MARK3: variants seen among roughly 807,000 people sequenced by gnomAD.
The protein encoded by MARK3 is microtubule affinity regulating kinase 3, also known as MAP/microtubule affinity-regulating kinase 3.
In MARK3, 46 loss-of-function variants were observed where a neutral mutation model predicts 90.1. The observed-to-expected ratio is 0.51, with a 90% CI of 0.40 to 0.65. MARK3 has a LOEUF of 0.65. Ranked by LOEUF, MARK3 falls within the 30% of genes least tolerant of loss-of-function variation. The pLI is 0.00. For synonymous variants in MARK3, 321 were observed against 332.6 expected (o/e 0.97, Z 0.38); for missense variants, 818 against 947.2 (o/e 0.86, Z 1.79).
chr14:103,404,989 TG>T, intron 1 of MARK3, 86 bp from the exon 2 acceptor site: 1 of 887,760 alleles, frequency 1.1e-6, no homozygotes, highest in South Asian at 1.8e-5. Context: ...AAAGTAGGAA[TG>T]TTTTTTCTTC....
At chr14:103,428,297 TG>T in intron 2 of MARK3, 89 bp from the exon 3 acceptor site, 1 of 639,588 alleles carries the variant, frequency 1.6e-6, no homozygotes, top group South Asian at 2.1e-5. Context: ...CTTGCTTGCT[TG>T]CTTGCTTCTT....
intron 12 of MARK3, among the ~76,000 whole-genome samples, chr14:103,473,840 C>T (rs887416197): frequency 1.3e-5 from 2 of 152,016 alleles, no homozygotes; most frequent in African/African-American, 4.8e-5. Context: ...GTTGGAATTA[C>T]AAGCATGAAC....
At chr14:103,440,777 ATT>A (rs1306460845) in intron 3 of MARK3, among the ~76,000 whole-genome samples, 5 of 143,906 alleles carry the variant, frequency 3.5e-5, no homozygotes, top group Non-Finnish European at 3.1e-5. Context: ...CTACAAAAAG[ATT>A]TTTTTTTTTT....
At chr14:103,457,328 T>G (rs893960568) in intron 6 of MARK3, 116 bp downstream of exon 6, 11 of 706,464 alleles carry the variant, frequency 1.6e-5, no homozygotes, top group Admixed American at 7.7e-5. Context: ...TGGCAGGGGT[T>G]GGCCATTCAA....
intron 2 of MARK3, among the ~76,000 whole-genome samples, chr14:103,426,044 G>A (rs943132051): frequency 3.3e-5 from 5 of 152,182 alleles, no homozygotes; most frequent in African/African-American, 1.2e-4. Context: ...GGTTTTCTGA[G>A]ACCCTTTTAA....
chr14:103,416,806 A>T (rs1397387444), intron 2 of MARK3, among the ~76,000 whole-genome samples: 2 of 152,076 alleles, frequency 1.3e-5, no homozygotes, highest in Non-Finnish European at 2.9e-5. Context: ...GTAAAGAAAT[A>T]GGAGGAAAGC....
At chr14:103,463,192 A>G (rs2093435433) in intron 7 of MARK3, among the ~76,000 whole-genome samples, 1 of 150,300 alleles carries the variant, frequency 6.7e-6, no homozygotes, top group Non-Finnish European at 1.5e-5. Context: ...CCTCTTTCAG[A>G]TACACGCTTT....
intron 12 of MARK3, among the ~76,000 whole-genome samples, chr14:103,470,197 T>C (rs1287910752): frequency 6.6e-6 from 1 of 152,132 alleles, no homozygotes; most frequent in Non-Finnish European, 1.5e-5. Context: ...TTGTACTGTG[T>C]CATTCTCATC....
intron 2 of MARK3, among the ~76,000 whole-genome samples, chr14:103,409,801 G>T (rs982835064): frequency 6.6e-6 from 1 of 152,142 alleles, no homozygotes; most frequent in Admixed American, 6.6e-5. Context: ...AGTCTTCCTG[G>T]CTATGGTGGT....
chr14:103,398,766 G>A (rs1442008616), intron 1 of MARK3, among the ~76,000 whole-genome samples: 1 of 152,182 alleles, frequency 6.6e-6, no homozygotes, highest in African/African-American at 2.4e-5. Flanking sequence ...AGTGAAACGT[G>A]ACTTTGTGAA....
intron 14 of MARK3, chr14:103,491,017 G>A: frequency 7.8e-7 from 1 of 1,288,580 alleles, no homozygotes; most frequent in Non-Finnish European, 1.0e-6. Context: ...TGTCGGCTGA[G>A]ACATCAGAAG....
At chr14:103,463,135 A>G (rs2093433481) in intron 7 of MARK3, among the ~76,000 whole-genome samples, 3 of 98,518 alleles carry the variant, frequency 3.0e-5, no homozygotes, top group Non-Finnish European at 6.1e-5. Flanking sequence ...ACACATGCTC[A>G]AGTCTATATA....
rs1392319652 is a variant in MARK3, at chr14:103,463,615, CTT to C, written c.540+1157_540+1158del. Among the ~76,000 whole-genome samples, 4 of 152,304 alleles carry C rather than the reference CTT, an allele frequency of 2.6e-5. No individual in the cohort carries two copies. In the East Asian group the frequency reaches 7.7e-4, roughly 29 times the overall value. On this transcript the variant is annotated intron_variant, in intron 7 of 17. Transcript: ENST00000429436. ...GTTCCAAGTATCTCTTAAGCTCACT[CTT>C]TTATGTCCCTGTTACACTATCCAAG...
Position 103,448,904 on chromosome 14 carries a change from TG to T in MARK3, c.298-14del, listed in dbSNP as rs898017910. 9.0e-6 allele frequency: 14 copies of T among 1,550,046 alleles called. No individual in the cohort carries two copies. The highest frequency in any genetic ancestry group is 1.7e-4 in the Middle Eastern group (1 of 5,838). The stretch of plus-strand genomic sequence containing the variant: ...TGTTGGGGGGATTATGTGTTTTGTT[TG>T]TTTTTTTTTTTAGCTCTTCAGAGAA... On this transcript the variant is annotated splice_polypyrimidine_tract_variant and intron_variant, in intron 3 of 17. Coordinates refer to ENST00000429436, the MANE Select transcript of MARK3 (RefSeq NM_001128918.3).
intron 2 of MARK3, among the ~76,000 whole-genome samples, chr14:103,427,821 G>A (rs569740715): frequency 7.2e-5 from 11 of 152,222 alleles, no homozygotes; most frequent in South Asian, 2.1e-4. Context: ...CACTTTCATC[G>A]CCATCTTGGT....
chr14:103,444,400 C>T (rs746599044), intron 3 of MARK3, among the ~76,000 whole-genome samples: 4 of 152,102 alleles, frequency 2.6e-5, no homozygotes, highest in Admixed American at 2.0e-4. Flanking sequence ...TCAATTTATA[C>T]GTTTCCATGT....
intron 13 of MARK3, among the ~76,000 whole-genome samples, chr14:103,479,106 G>C (rs911294439): frequency 6.6e-6 from 1 of 151,806 alleles, no homozygotes; most frequent in Non-Finnish European, 1.5e-5. Flanking sequence ...TTGCAACTTC[G>C]ACCTCCCAGA....
intron 2 of MARK3, among the ~76,000 whole-genome samples, chr14:103,425,761 G>T (rs866021516): frequency 6.6e-6 from 1 of 151,990 alleles, no homozygotes; most frequent in East Asian, 1.9e-4. Flanking sequence ...TTTTTCAGGC[G>T]CACACACTCG....
In MARK3 at chr14:103,475,223, G is replaced by C; in HGVS notation, c.1482+13G>C. ...CACTGTCCCTAGTGTAAGTGTTGTT[G>C]AACTATAGAGTGGTCTTAGGGTGGT... is the stretch of plus-strand genomic sequence containing the variant. On this transcript the variant is annotated intron_variant, in intron 13 of 17. Transcript: ENST00000429436. 1 of 1,610,552 alleles carries C rather than the reference G, an allele frequency of 6.2e-7. No individual in the cohort carries two copies. The highest frequency in any genetic ancestry group is 2.2e-5 in the East Asian group (1 of 44,860).
Sources: gnomAD v4.1 joint callset for allele counts (sites outside exome capture counted in the v4.1 genomes callset) on GRCh38, gnomAD v4.1.1 for gene constraint, MANE v1.5 for transcripts, NCBI Gene and HGNC (gene_info 2026-07-23, HGNC 2026-07-21) for gene names.